IFI16: variants seen among roughly 807,000 people sequenced by gnomAD.
IFI16 encodes interferon gamma inducible protein 16.
Under a neutral mutation model 68.4 loss-of-function variants are expected in IFI16, and 49 were observed. The observed-to-expected ratio is 0.72, with a 90% CI of 0.57 to 0.91. The LOEUF (loss-of-function observed/expected upper bound fraction) is 0.91, where lower values mean the gene tolerates loss of function less well. Ranked by LOEUF, IFI16 falls within the 40% of genes least tolerant of loss-of-function variation. The pLI, the probability that IFI16 is intolerant of heterozygous loss-of-function variation, is 0.00. For missense variants in IFI16, 878 were observed against 942.9 expected (o/e 0.93, Z 0.90); for synonymous variants, 307 against 315.0 (o/e 0.97, Z 0.27).
At chr1:159,022,003 G>C (rs1413276094) in intron 6 of IFI16, among the ~76,000 whole-genome samples, 1 of 108,388 alleles carries the variant, frequency 9.2e-6, no homozygotes, top group Non-Finnish European at 1.8e-5. Flanking sequence ...TTGCTCTTTT[G>C]CCCAGGCGGG....
At chr1:159,006,638 G>A (rs564053873), upstream of IFI16, among the ~76,000 whole-genome samples, 1 of 152,294 alleles carries the variant, frequency 6.6e-6, no homozygotes, top group South Asian at 2.1e-4. Flanking sequence ...CCCAGCTAGA[G>A]AGAGTCTTAT....
chr1:159,042,876 C>T (rs1654745525), intron 7 of IFI16, among the ~76,000 whole-genome samples: 1 of 152,154 alleles, frequency 6.6e-6, no homozygotes, highest in Non-Finnish European at 1.5e-5. Flanking sequence ...ACCTACAATC[C>T]AGCGTTATGG....
chr1:159,008,993 C>A (rs1018299143), upstream of IFI16: 1 of 152,070 alleles, frequency 6.6e-6, no homozygotes, highest in African/African-American at 2.4e-5. Flanking sequence ...TAGTTGATGC[C>A]ATTTATTTGA....
upstream of IFI16, among the ~76,000 whole-genome samples, chr1:159,003,903 G>T (rs550192562): frequency 2.0e-5 from 3 of 151,548 alleles, no homozygotes; most frequent in South Asian, 6.3e-4. Flanking sequence ...CTTGTGATCC[G>T]CCCGCCTCAG....
At chr1:159,047,386 A>C (rs1160999488) in intron 8 of IFI16, among the ~76,000 whole-genome samples, 1 of 148,432 alleles carries the variant, frequency 6.7e-6, no homozygotes, top group Non-Finnish European at 1.5e-5. Flanking sequence ...ACTTACCATC[A>C]AGGCCACAGG....
At chr1:159,020,052 T>C (rs535474915) in intron 5 of IFI16, among the ~76,000 whole-genome samples, 1 of 152,296 alleles carries the variant, frequency 6.6e-6, no homozygotes, top group South Asian at 2.1e-4. Context: ...GCTTCCTCTG[T>C]ATCAAGGTGC....
At chr1:159,015,631 T>A in intron 2 of IFI16, 1 of 437,830 alleles carries the variant, frequency 2.3e-6, no homozygotes, top group Non-Finnish European at 4.2e-6. Context: ...ATGTGCTCAG[T>A]GCACAGGGGA....
chr1:159,007,876 CTT>C (rs1652317304), upstream of IFI16, among the ~76,000 whole-genome samples: 2 of 152,176 alleles, frequency 1.3e-5, no homozygotes, highest in South Asian at 4.1e-4. Flanking sequence ...AAAGGGGAAA[CTT>C]TGCTGCATAG....
chr1:159,013,942 G>A (rs545915819), intron 1 of IFI16, among the ~76,000 whole-genome samples: 21 of 152,302 alleles, frequency 1.4e-4, no homozygotes, highest in African/African-American at 3.1e-4. Context: ...GTGGCTTATC[G>A]AGAGAAAACT....
chr1:159,003,716 A>G (rs1347093284), upstream of IFI16, among the ~76,000 whole-genome samples: 1 of 152,154 alleles, frequency 6.6e-6, no homozygotes, highest in African/African-American at 2.4e-5. Context: ...GCTGGAGTGC[A>G]GTGGCATGAG....
intron 6 of IFI16, among the ~76,000 whole-genome samples, chr1:159,029,172 T>G (rs1443702305): frequency 6.6e-6 from 1 of 152,204 alleles, no homozygotes; most frequent in Non-Finnish European, 1.5e-5. Context: ...TTTTAGCAGT[T>G]CTTGTAATGC....
intron 9 of IFI16, 86 bp downstream of exon 9, chr1:159,049,685 C>T: frequency 6.5e-7 from 1 of 1,527,382 alleles, no homozygotes; most frequent in Non-Finnish European, 8.9e-7. Flanking sequence ...CTCACCAATC[C>T]CCTACTACAT....
rs1652901511 is a variant in IFI16 at position 159,015,990 on chromosome 1, A to G, written c.381+3A>G. On this transcript the variant is annotated splice_donor_region_variant and intron_variant, in intron 3 of 11. Transcript: ENST00000295809. The stretch of plus-strand genomic sequence containing the variant: ...CAGAGGCAACTCCTGGAGCTCAGGT[A>G]AGCTTCAGGAAGAGGAGCAGGCTTC... 6.3e-7 allele frequency: 1 copy of G among 1,594,084 alleles called. No homozygotes were observed. Among genetic ancestry groups the G allele is most frequent in the South Asian group, 1.1e-5 (1 of 90,658 alleles).
chr1:159,004,471 G>A (rs1302377806), upstream of IFI16, among the ~76,000 whole-genome samples: 4 of 152,160 alleles, frequency 2.6e-5, no homozygotes, highest in African/African-American at 4.8e-5. Context: ...TTGGGAGGCC[G>A]AGGTGGGTGG....
chr1:159,023,673 G>C (rs1025919275), intron 6 of IFI16, among the ~76,000 whole-genome samples: 2 of 152,040 alleles, frequency 1.3e-5, no homozygotes, highest in African/African-American at 4.8e-5. Context: ...GGGATAGCCA[G>C]TTGGATTAGA....
At chr1:159,023,419 A>C (rs1653461424) in intron 6 of IFI16, among the ~76,000 whole-genome samples, 1 of 152,140 alleles carries the variant, frequency 6.6e-6, no homozygotes, top group Admixed American at 6.5e-5. Context: ...ATCGTTGCTG[A>C]TTATAGTAGA....
intron 8 of IFI16, among the ~76,000 whole-genome samples, chr1:159,045,866 A>T (rs1227529986): frequency 6.6e-6 from 1 of 151,260 alleles, no homozygotes; most frequent in Non-Finnish European, 1.5e-5. Flanking sequence ...AAAAGAAGGT[A>T]CATAAGCAAA....
rs769969847 is a variant in IFI16 at position 159,053,563 on chromosome 1, G to C, written c.2116G>C (p.Glu706Gln). Residue 706 changes from glutamate to glutamine, a missense_variant, in exon 11 of 12, where the codon GAA becomes CAA. Coordinates refer to ENST00000295809, the MANE Select transcript of IFI16 (RefSeq NM_001376587.1). ...TGTAAGGGGTGAATTCACTTATTAT[G>C]AAATACAAGATAATACAGGGAAGAT... The part of the protein sequence containing the change: ...KNVRGEFTYY[E>Q]IQDNTGKMEV... 2 of 1,609,888 alleles carry C rather than the reference G, an allele frequency of 1.2e-6. No homozygotes were observed. Among genetic ancestry groups the C allele is most frequent in the Non-Finnish European group, 1.7e-6 (2 of 1,177,320 alleles).
chr1:159,052,547 TACTC>T (rs1655429071), intron 10 of IFI16: 4 of 159,934 alleles, frequency 2.5e-5, no homozygotes, highest in Non-Finnish European at 5.6e-5. Flanking sequence ...TAAAATAGAC[TACTC>T]TGCTTTAGAA....
Sources: allele counts gnomAD v4.1 joint callset (sites outside exome capture counted in the v4.1 genomes callset), GRCh38; gene constraint gnomAD v4.1.1; transcripts MANE v1.5; gene names NCBI Gene and HGNC (gene_info 2026-07-23, HGNC 2026-07-21).